The following PDE1C variants were observed in gnomAD, a reference collection of about 807,000 sequenced individuals.
PDE1C encodes the protein phosphodiesterase 1C.
PDE1C carries 62 observed loss-of-function variants against 93.1 expected under a neutral mutation model. The ratio of observed to expected loss-of-function variants is 0.67; its 90% CI spans 0.54 to 0.82. The LOEUF is 0.82. Ranked by LOEUF, PDE1C falls within the 40% of genes least tolerant of loss-of-function variation. The pLI is 0.00. For synonymous variants in PDE1C, 325 were observed against 310.1 expected (o/e 1.05, Z -0.50); for missense variants, 742 against 884.6 (o/e 0.84, Z 2.04).
chr7:32,361,712 C>T (rs1784139721), intron 1 of PDE1C, among the ~76,000 whole-genome samples: 2 of 152,174 alleles, frequency 1.3e-5, no homozygotes, highest in African/African-American at 4.8e-5. Flanking sequence ...CCTTTCCTGC[C>T]TCGTGCTCCC....
chr7:31,645,829 A>G, the PDE1C span, among the ~76,000 whole-genome samples: 1 of 152,124 alleles, frequency 6.6e-6, no homozygotes, highest in South Asian at 2.1e-4. Flanking sequence ...AAATACAGAG[A>G]ACAGCCACCA....
At chr7:31,665,389 T>C in the PDE1C span, among the ~76,000 whole-genome samples, 6 of 152,322 alleles carry the variant, frequency 3.9e-5, no homozygotes, top group African/African-American at 1.4e-4. Flanking sequence ...TTATTAGCTG[T>C]CTCTCCTACT....
At chr7:32,160,177 C>A (rs1194486944) in intron 3 of PDE1C, among the ~76,000 whole-genome samples, 4 of 152,108 alleles carry the variant, frequency 2.6e-5, no homozygotes, top group African/African-American at 4.8e-5. Context: ...TCTTGGTGAG[C>A]TGCAGGGTGC....
At chr7:32,185,704 G>A (rs1409216836) in intron 2 of PDE1C, among the ~76,000 whole-genome samples, 3 of 151,974 alleles carry the variant, frequency 2.0e-5, no homozygotes, top group Admixed American at 6.6e-5. Flanking sequence ...TTTCTTCTCT[G>A]TCTACTTTCT....
chr7:31,684,217 A>G, the PDE1C span, among the ~76,000 whole-genome samples: 1 of 152,236 alleles, frequency 6.6e-6, no homozygotes, highest in Non-Finnish European at 1.5e-5. Flanking sequence ...ACTTGGGAGT[A>G]GTAGACATGT....
chr7:32,302,868 G>A (rs1812912987), upstream of PDE1C, among the ~76,000 whole-genome samples: 1 of 152,164 alleles, frequency 6.6e-6, no homozygotes, highest in African/African-American at 2.4e-5. Flanking sequence ...ACAGCCAATA[G>A]TCCAAGAATT....
intron 1 of PDE1C, among the ~76,000 whole-genome samples, chr7:32,060,067 A>C (rs1328348264): frequency 6.6e-6 from 1 of 152,240 alleles, no homozygotes; most frequent in Non-Finnish European, 1.5e-5. Context: ...AGTAGATATA[A>C]ATCCAAAGGA....
intron 1 of PDE1C, among the ~76,000 whole-genome samples, chr7:32,249,894 G>C (rs934160907): frequency 1.3e-5 from 2 of 152,096 alleles, no homozygotes; most frequent in Non-Finnish European, 2.9e-5. Context: ...CAATTGTATA[G>C]TCCATGCAAT....
the PDE1C span, among the ~76,000 whole-genome samples, chr7:31,706,882 T>A: frequency 1.3e-5 from 2 of 152,174 alleles, no homozygotes; most frequent in African/African-American, 2.4e-5. Flanking sequence ...GTGGCAGAAC[T>A]GTGAGTGCAA....
chr7:32,009,096 A>T (rs758015184), intron 2 of PDE1C, among the ~76,000 whole-genome samples: 5 of 152,256 alleles, frequency 3.3e-5, no homozygotes, highest in Non-Finnish European at 7.3e-5. Flanking sequence ...ATCTAAAAAC[A>T]TACAAATACA....
chr7:32,024,021 C>A (rs1436746074), intron 2 of PDE1C, among the ~76,000 whole-genome samples: 1 of 152,106 alleles, frequency 6.6e-6, no homozygotes, highest in Non-Finnish European at 1.5e-5. Flanking sequence ...ATGGCATTTC[C>A]CCATACATTT....
the PDE1C span, among the ~76,000 whole-genome samples, chr7:31,682,289 C>A: frequency 6.6e-6 from 1 of 151,926 alleles, no homozygotes. Context: ...CTGGTCTGGA[C>A]AAAATATTAT....
At chr7:31,917,001 T>C (rs957506534) in intron 2 of PDE1C, among the ~76,000 whole-genome samples, 2 of 152,226 alleles carry the variant, frequency 1.3e-5, no homozygotes, top group Middle Eastern at 3.4e-3. Context: ...CCATAGCCCA[T>C]CTAGGGAAGA....
At chr7:32,273,244 A>C (rs1031687973) in intron 1 of PDE1C, among the ~76,000 whole-genome samples, 3 of 152,232 alleles carry the variant, frequency 2.0e-5, no homozygotes, top group Non-Finnish European at 1.5e-5. Flanking sequence ...GGAAGACAGT[A>C]GTGTTCAGCC....
intron 1 of PDE1C, among the ~76,000 whole-genome samples, chr7:32,297,512 C>T (rs550565887): frequency 2.8e-4 from 43 of 152,248 alleles, no homozygotes; most frequent in African/African-American, 1.0e-3. Context: ...GGGTTCTACT[C>T]ACCTCCAAGG....
the PDE1C span, among the ~76,000 whole-genome samples, chr7:31,725,784 A>G: frequency 4.6e-5 from 7 of 152,294 alleles, no homozygotes; most frequent in East Asian, 1.4e-3. Context: ...TCAAAATTAA[A>G]GTTTTTTAAA....
At chr7:32,356,299 T>C (rs983000362) in intron 1 of PDE1C, among the ~76,000 whole-genome samples, 1 of 152,184 alleles carries the variant, frequency 6.6e-6, no homozygotes, top group Non-Finnish European at 1.5e-5. Flanking sequence ...TTCAGCAACA[T>C]AGTGTTTCTC....
intron 2 of PDE1C, among the ~76,000 whole-genome samples, chr7:32,010,508 T>C (rs531836143): frequency 1.3e-5 from 2 of 152,326 alleles, no homozygotes; most frequent in East Asian, 3.9e-4. Flanking sequence ...AAATGAATCA[T>C]AGACCTAAAT....
chr7:32,341,449 A>G (rs912868050), intron 1 of PDE1C, among the ~76,000 whole-genome samples: 1 of 151,876 alleles, frequency 6.6e-6, no homozygotes, highest in Non-Finnish European at 1.5e-5. Flanking sequence ...TGCTGGGATT[A>G]CAGGCGTGAG....
Sources: allele counts gnomAD v4.1 joint callset (sites outside exome capture counted in the v4.1 genomes callset), GRCh38; gene constraint gnomAD v4.1.1; transcripts MANE v1.5; gene names NCBI Gene and HGNC (gene_info 2026-07-23, HGNC 2026-07-21).